Variants in PLEKHM1 observed in about 807,000 individuals in gnomAD.
The protein encoded by PLEKHM1 is pleckstrin homology domain-containing family M member 1.
A neutral mutation model predicts 94.3 loss-of-function variants in PLEKHM1; 28 were observed. The observed-to-expected ratio is 0.30, with a 90% CI of 0.22 to 0.41. The LOEUF is 0.41. PLEKHM1 is among the 10% of genes least tolerant of loss of function. PLEKHM1 has a pLI of 1.00. For missense variants in PLEKHM1, 907 were observed against 1,358.6 expected (o/e 0.67, Z 5.22); for synonymous variants, 424 against 581.2 (o/e 0.73, Z 3.89).
At chr17:45,474,539 G>A (rs1388005467) in intron 4 of PLEKHM1, among the ~76,000 whole-genome samples, 3 of 152,100 alleles carry the variant, frequency 2.0e-5, no homozygotes, top group East Asian at 1.9e-4. Flanking sequence ...ACTCTTATGC[G>A]TTATGTTTCA....
chr17:45,460,356 T>G (rs1171414625), intron 5 of PLEKHM1: 7 of 151,756 alleles, frequency 4.6e-5, no homozygotes, highest in Non-Finnish European at 1.0e-4. Flanking sequence ...GCCTCCCAGG[T>G]TCAAGCAATT....
intron 6 of PLEKHM1, among the ~76,000 whole-genome samples, chr17:45,455,759 ACCT>A (rs2050926264): frequency 6.6e-6 from 1 of 151,986 alleles, no homozygotes; most frequent in African/African-American, 2.4e-5. Flanking sequence ...TGTGATGACA[ACCT>A]CCTAACTGGT....
At chr17:45,469,494 A>C (rs2684541) in intron 4 of PLEKHM1, among the ~76,000 whole-genome samples, 1 of 152,318 alleles carries the variant, frequency 6.6e-6, no homozygotes, top group Admixed American at 6.5e-5. Context: ...CCCGTTTGCT[A>C]TCTCTTCTGC....
At chr17:45,473,354 C>T (rs2051579053) in intron 4 of PLEKHM1, among the ~76,000 whole-genome samples, 1 of 152,072 alleles carries the variant, frequency 6.6e-6, no homozygotes, top group African/African-American at 2.4e-5. Context: ...ATTTGGGAGC[C>T]TGAGGCAGGA....
chr17:45,463,458 T>C (rs1167013496), intron 5 of PLEKHM1, among the ~76,000 whole-genome samples: 1 of 151,998 alleles, frequency 6.6e-6, no homozygotes, highest in Non-Finnish European at 1.5e-5. Flanking sequence ...AGTGGTGTGA[T>C]CTCGGCTCAC....
At chr17:45,478,681 T>G (rs2051839723) in intron 2 of PLEKHM1, among the ~76,000 whole-genome samples, 1 of 152,224 alleles carries the variant, frequency 6.6e-6, no homozygotes, top group South Asian at 2.1e-4. Flanking sequence ...AGAAAGATCC[T>G]AGGCTGGGCG....
chr17:45,487,912 A>C (rs1469720624), intron 1 of PLEKHM1: 1 of 399,464 alleles, frequency 2.5e-6, no homozygotes, highest in Non-Finnish European at 5.0e-6. Flanking sequence ...TGCTGTACCA[A>C]TTGATGAGTC....
chr17:45,462,031 C>T (rs551428882), intron 5 of PLEKHM1, among the ~76,000 whole-genome samples: 1 of 152,280 alleles, frequency 6.6e-6, no homozygotes, highest in South Asian at 2.1e-4. Context: ...GTGCCACTAA[C>T]CTCACCCTGA....
chr17:45,473,173 A>G (rs1215245925), intron 4 of PLEKHM1, among the ~76,000 whole-genome samples: 2 of 152,166 alleles, frequency 1.3e-5, no homozygotes, highest in African/African-American at 4.8e-5. Context: ...ATAGCTACGC[A>G]GAACTAAAAG....
In PLEKHM1 at chr17:45,478,089, A is replaced by G; in HGVS notation, c.107T>C (p.Leu36Pro). ...GTCTTCACTAGTGACCACCGTGTCC[A>G]GGGACACGTACTGCTTCTGCAAGGC... ...VKALQKQYVS[L>P]DTVVTSEDGD... is the part of the protein sequence containing the mutation. Residue 36 changes from leucine (L) to proline (P), a missense_variant, in exon 3 of 12, where the codon CTG becomes CCG. Coordinates refer to ENST00000430334, the MANE Select transcript of PLEKHM1 (RefSeq NM_014798.3). 1 of 1,613,974 alleles carries G rather than the reference A, an allele frequency of 6.2e-7. No individual in the cohort carries two copies. The highest frequency in any genetic ancestry group is 8.5e-7 in the Non-Finnish European group (1 of 1,179,810).
chr17:45,451,482 C>G (rs913611425), intron 7 of PLEKHM1, among the ~76,000 whole-genome samples: 1 of 152,192 alleles, frequency 6.6e-6, no homozygotes. Flanking sequence ...GGTCCCCGGG[C>G]CTTGGGACCA....
rs558571645 is a variant in PLEKHM1 at position 45,442,184 on chromosome 17, C to T, written c.2838-1958G>A. 5.3e-5 allele frequency among the ~76,000 whole-genome samples: 8 copies of T among 152,256 alleles called. No individual in the cohort carries two copies. In the South Asian group the frequency reaches 8.3e-4, roughly 16 times the overall value. ...CCTTGGAGACATGTCCCAGGTCTGC[C>T]GGAGAGAACCCTGCCAGGCAGCTGC... On this transcript the variant is annotated intron_variant, in intron 9 of 11. Coordinates refer to ENST00000430334, the MANE Select transcript of PLEKHM1 (RefSeq NM_014798.3).
chr17:45,488,625 A>G (rs1272910013), intron 1 of PLEKHM1, among the ~76,000 whole-genome samples: 1 of 152,176 alleles, frequency 6.6e-6, no homozygotes, highest in Non-Finnish European at 1.5e-5. Context: ...AAGCAGAGAC[A>G]GTGTTCTTTG....
intron 1 of PLEKHM1, among the ~76,000 whole-genome samples, chr17:45,483,469 C>T (rs900089911): frequency 7.5e-5 from 11 of 147,506 alleles, no homozygotes; most frequent in African/African-American, 2.8e-4. Flanking sequence ...GGGACTTTAG[C>T]CTGAGCCTGA....
At chr17:45,465,825 A>C (rs1377896805) in intron 5 of PLEKHM1, among the ~76,000 whole-genome samples, 1 of 152,034 alleles carries the variant, frequency 6.6e-6, no homozygotes, top group Non-Finnish European at 1.5e-5. Context: ...ATTCTGTCCC[A>C]CCAGCTTTGA....
chr17:45,436,494 T>G lies in PLEKHM1; in HGVS notation c.*1364A>C, dbSNP rs1363372765. On this transcript the variant is annotated 3_prime_UTR_variant, in exon 12 of 12. Coordinates refer to ENST00000430334, the MANE Select transcript of PLEKHM1 (RefSeq NM_014798.3). Reference sequence around the variant, plus strand: ...GGTGGGCTCATCTCTGACAGTGACATGCGGCTCTCCACCTGAGGCCTGACT... The same window carrying G: ...GGTGGGCTCATCTCTGACAGTGACAGGCGGCTCTCCACCTGAGGCCTGACT... 2.2e-6 allele frequency: 1 copy of G among 453,488 alleles called. No homozygotes were observed. The highest frequency in any genetic ancestry group is 2.4e-5 in the Admixed American group (1 of 42,532). The allele number at this position is 453,488 out of a possible 1,614,324, so 28.1% of individuals were successfully genotyped here.
At chr17:45,465,290 A>G (rs2684528) in intron 5 of PLEKHM1, among the ~76,000 whole-genome samples, 66 of 151,508 alleles carry the variant, frequency 4.4e-4, no homozygotes, top group South Asian at 3.1e-3. Context: ...TGTTATAAGC[A>G]AAGTCAAGCA....
chr17:45,453,106 C>T lies in PLEKHM1; in HGVS notation c.2497+249G>A, dbSNP rs532769046. 131 of 607,766 alleles carry T rather than the reference C, an allele frequency of 2.2e-4. 1 individual carries two copies. Among genetic ancestry groups the T allele is most frequent in the South Asian group, 1.9e-3 (99 of 51,752 alleles). 37.6% of individuals were successfully genotyped at this position (607,766 alleles called of 1,614,324 possible). On this transcript the variant is annotated intron_variant, in intron 7 of 11. Transcript: ENST00000430334. This position sits in a 1 kb window ranked among gnomAD's most constrained non-coding sequence, Gnocchi z 4.1. The stretch of plus-strand genomic sequence containing the variant: ...GCAGCGCAGTGAGTAGCCAGCCTGC[C>T]GCCCATCAGTGGGAGGTGGCAGGAG...
chr17:45,443,605 C>T (rs2050514332), intron 9 of PLEKHM1, among the ~76,000 whole-genome samples: 1 of 152,166 alleles, frequency 6.6e-6, no homozygotes, highest in Admixed American at 6.5e-5. Flanking sequence ...GATGAACAGA[C>T]TCTCTCAGCA....
Sources: gnomAD v4.1 joint callset for allele counts (sites outside exome capture counted in the v4.1 genomes callset) on GRCh38, gnomAD v4.1.1 for gene constraint, Gnocchi (gnomAD v3.1) non-coding constraint, MANE v1.5 for transcripts, NCBI Gene and HGNC (gene_info 2026-07-23, HGNC 2026-07-21) for gene names.